Variants in GATAD2A observed in about 807,000 individuals in gnomAD.
The protein encoded by GATAD2A is transcriptional repressor p66-alpha.
Under a neutral mutation model 68.5 loss-of-function variants are expected in GATAD2A, and 12 were observed. That is an observed-to-expected ratio of 0.18 (90% CI 0.11 to 0.28). GATAD2A has a LOEUF of 0.28. GATAD2A is among the 10% of genes least tolerant of loss of function. The pLI, the probability that GATAD2A is intolerant of heterozygous loss-of-function variation, is 1.00. For missense variants in GATAD2A, 755 were observed against 868.5 expected, an observed-to-expected ratio of 0.87 and a Z score of 1.64; for synonymous variants, 410 against 375.3, an observed-to-expected ratio of 1.09 and a Z score of -1.07.
At chr19:19,403,792 G>T (rs2049963762), upstream of GATAD2A, among the ~76,000 whole-genome samples, 2 of 152,204 alleles carry the variant, frequency 1.3e-5, no homozygotes, top group South Asian at 4.1e-4. Flanking sequence ...GTAGCATGAA[G>T]CAGTTCTTAA....
In GATAD2A at chr19:19,492,315, G is replaced by T; in HGVS notation, c.279G>T (p.Lys93Asn). Reference protein sequence around the residue: ...VDMRTSHSDMKSERRPPSPDV... With the variant: ...VDMRTSHSDMNSERRPPSPDV... Reference sequence around the variant, plus strand: ...TGTCTCCACCCCACAGTGACATGAAGTCCGAGAGGAGACCCCCCTCACCTG... The same window carrying T: ...TGTCTCCACCCCACAGTGACATGAATTCCGAGAGGAGACCCCCCTCACCTG... Residue 93 changes from lysine to asparagine, a missense_variant, in exon 3 of 12, where the codon AAG (lysine) becomes AAT (asparagine). Lys to Asn is a moderately conservative substitution (Grantham distance 94). Coordinates refer to ENST00000683918, the MANE Select transcript of GATAD2A (RefSeq NM_001384528.1). 1 of 1,602,994 alleles carries T rather than the reference G, an allele frequency of 6.2e-7. No homozygotes were observed. The highest frequency in any genetic ancestry group is 2.3e-5 in the East Asian group (1 of 44,284).
At position 19,495,784 on chromosome 19, in the gene GATAD2A, A is replaced by C. The variant is rs759227480; in HGVS notation, c.655A>C (p.Ile219Leu). 6.2e-7 allele frequency: 1 copy of C among 1,613,474 alleles called. No homozygotes were observed. The highest frequency in any genetic ancestry group is 1.7e-5 in the Admixed American group (1 of 60,000). The change falls in exon 6 of 12, where the codon ATA becomes CTA. Residue 219 changes from isoleucine (I) to leucine (L), a missense_variant. By Grantham distance (5) the Ile-to-Leu change is conservative (BLOSUM62 2). Coordinates refer to ENST00000683918, the MANE Select transcript of GATAD2A (RefSeq NM_001384528.1). ...TTCAGCTCGGATGCCCGGCAGTGTC[A>C]TACCCCCGCCCCTGGTCCGAGGTGG... ...TSSARMPGSV[I>L]PPPLVRGGQQ...
Position 19,399,380 on chromosome 19 carries a change from G to A in GATAD2A, c.-7+13242G>A, listed in dbSNP as rs2043333. ...TTTTTGTATTCTTTTTTGTAGGGAC[G>A]GGGTTTTGCCATGTTGCCCAGGCTG... is the stretch of plus-strand genomic sequence containing the variant. On this transcript the variant is annotated intron_variant, in intron 1 of 11. Transcript: ENST00000360315. Among the ~76,000 whole-genome samples, 766 of 152,032 alleles carry A rather than the reference G, an allele frequency of 5.0e-3. 3 individuals are homozygous for A. The highest frequency in any genetic ancestry group is 7.7e-3 in the Non-Finnish European group (526 of 67,992).
chr19:19,437,751 C>T (rs1334677161), intron 1 of GATAD2A, among the ~76,000 whole-genome samples: 4 of 152,198 alleles, frequency 2.6e-5, no homozygotes, highest in Non-Finnish European at 5.9e-5. Context: ...TGAATCAGTG[C>T]TTCTTTCCTT....
chr19:19,414,526 T>A (rs1429793388), intron 1 of GATAD2A, among the ~76,000 whole-genome samples: 3 of 147,922 alleles, frequency 2.0e-5, no homozygotes, highest in Non-Finnish European at 3.0e-5. Context: ...CCTCAGGGCC[T>A]TGTCTTTTTT....
At chr19:19,411,698 G>C (rs1318639459) in intron 1 of GATAD2A, among the ~76,000 whole-genome samples, 1 of 152,182 alleles carries the variant, frequency 6.6e-6, no homozygotes, top group Non-Finnish European at 1.5e-5. Flanking sequence ...GGCGGAGACA[G>C]CATCTTTGAC....
intron 1 of GATAD2A, among the ~76,000 whole-genome samples, chr19:19,459,941 T>C (rs747333838): frequency 2.6e-4 from 40 of 152,232 alleles, no homozygotes; most frequent in Non-Finnish European, 5.3e-4. Flanking sequence ...CTGTTTCCGG[T>C]GTGGCTTCCT....
intron 1 of GATAD2A, among the ~76,000 whole-genome samples, chr19:19,399,343 C>G (rs549826532): frequency 6.6e-6 from 1 of 152,150 alleles, no homozygotes; most frequent in East Asian, 1.9e-4. Flanking sequence ...CTCCCAGGCT[C>G]AAGCCTGCTA....
chr19:19,479,831 C>CTTTTT (rs35537344), intron 2 of GATAD2A, among the ~76,000 whole-genome samples: 42 of 85,568 alleles, frequency 4.9e-4, no homozygotes, highest in Middle Eastern at 9.1e-3. Flanking sequence ...GTGGCCCACT[C>CTTTTT]TTTTTTTTTT....
In GATAD2A at chr19:19,433,090, G is replaced by A. The variant is rs990647993; in HGVS notation, c.-7+27071G>A. Among the ~76,000 whole-genome samples, 4 of 152,222 alleles carry A rather than the reference G, an allele frequency of 2.6e-5. 1 individual carries two copies. The South Asian group carries it at 6.2e-4, about 24-fold the overall frequency. On this transcript the variant is annotated intron_variant, in intron 1 of 11. Coordinates refer to ENST00000683918, the MANE Select transcript of GATAD2A (RefSeq NM_001384528.1). The stretch of plus-strand genomic sequence containing the variant: ...GATTTGCCACAAGCTGGCTTTGAAA[G>A]CAGTGGTAGAGTGTGAAAGAAGTTA...
intron 1 of GATAD2A, among the ~76,000 whole-genome samples, chr19:19,406,505 G>A (rs1459695338): frequency 5.3e-5 from 8 of 151,834 alleles, no homozygotes; most frequent in African/African-American, 1.9e-4. Context: ...AAGAGTCCCC[G>A]CGCGCCCACG....
intron 1 of GATAD2A, among the ~76,000 whole-genome samples, chr19:19,447,710 CTG>C (rs2055893785): frequency 6.6e-6 from 1 of 152,202 alleles, no homozygotes; most frequent in Non-Finnish European, 1.5e-5. Flanking sequence ...CCCTGTGGCT[CTG>C]TGATGCTGCA....
intron 4 of GATAD2A, among the ~76,000 whole-genome samples, chr19:19,493,608 C>CTT (rs2059951825): frequency 6.6e-6 from 1 of 152,190 alleles, no homozygotes; most frequent in Non-Finnish European, 1.5e-5. Context: ...CTTCCAAGTA[C>CTT]TTTAGTCATT....
At chr19:19,487,356 G>A (rs2059508060) in intron 2 of GATAD2A, among the ~76,000 whole-genome samples, 1 of 152,168 alleles carries the variant, frequency 6.6e-6, no homozygotes, top group African/African-American at 2.4e-5. Context: ...CCCAGCTCAG[G>A]GTGCAGGAAC....
At chr19:19,399,890 A>C (rs903074997) in intron 1 of GATAD2A, among the ~76,000 whole-genome samples, 2 of 152,190 alleles carry the variant, frequency 1.3e-5, no homozygotes, top group Non-Finnish European at 2.9e-5. Flanking sequence ...GTTTTTCTGC[A>C]TGTCCAACTA....
At chr19:19,403,373 C>G (rs2049935020), upstream of GATAD2A, among the ~76,000 whole-genome samples, 1 of 152,092 alleles carries the variant, frequency 6.6e-6, no homozygotes, top group South Asian at 2.1e-4. Context: ...ACCCTGTCTT[C>G]CTATGACAGA....
chr19:19,413,987 G>A (rs1036826020), intron 1 of GATAD2A, among the ~76,000 whole-genome samples: 1 of 151,920 alleles, frequency 6.6e-6, no homozygotes, highest in Non-Finnish European at 1.5e-5. Context: ...TTTTGGTCAA[G>A]TTTTTAGTGT....
chr19:19,391,787 T>C (rs2048859908), intron 1 of GATAD2A, among the ~76,000 whole-genome samples: 1 of 152,186 alleles, frequency 6.6e-6, no homozygotes, highest in South Asian at 2.1e-4. Context: ...ACTGCCCAGC[T>C]TCTAACTCTG....
chr19:19,499,062 G>A (rs1051691490), intron 8 of GATAD2A, among the ~76,000 whole-genome samples: 5 of 152,264 alleles, frequency 3.3e-5, no homozygotes, highest in Non-Finnish European at 7.3e-5. Context: ...CCAATGTGGA[G>A]TTGTGACACA....
Sources: allele counts gnomAD v4.1 joint callset (sites outside exome capture counted in the v4.1 genomes callset), GRCh38; gene constraint gnomAD v4.1.1; transcripts MANE v1.5; gene names NCBI Gene and HGNC (gene_info 2026-07-23, HGNC 2026-07-21).